MTMR7: variants seen among roughly 807,000 people sequenced by gnomAD.
MTMR7 encodes the protein phosphatidylinositol-3-phosphate phosphatase MTMR7.
Under a neutral mutation model 81.2 loss-of-function variants are expected in MTMR7, and 76 were observed. The observed-to-expected ratio is 0.94, with a 90% CI of 0.78 to 1.13. The LOEUF (loss-of-function observed/expected upper bound fraction) is 1.13. MTMR7 is among the 50% of genes most tolerant of loss of function. The pLI is 0.00. For missense variants in MTMR7, 1,044 were observed against 820.0 expected, an observed-to-expected ratio of 1.27 and a Z score of -3.34; for synonymous variants, 372 against 289.8, an observed-to-expected ratio of 1.28 and a Z score of -2.88.
chr8:17,327,427 C>A (rs1012746566), intron 7 of MTMR7, among the ~76,000 whole-genome samples: 2 of 143,382 alleles, frequency 1.4e-5, no homozygotes, highest in South Asian at 4.2e-4. Flanking sequence ...CACACCACCA[C>A]GCCTGGTTGA....
intron 12 of MTMR7, 37 bp downstream of exon 12, chr8:17,304,342 C>T (rs766101278): frequency 6.3e-7 from 1 of 1,596,650 alleles, no homozygotes; most frequent in African/African-American, 1.3e-5. Context: ...AATCCAAGTT[C>T]ATACCATGGC....
At chr8:17,300,375 G>A (rs144540473) in intron 13 of MTMR7, 151 bp from the exon 14 acceptor site, 28 of 796,446 alleles carry the variant, frequency 3.5e-5, no homozygotes, top group Middle Eastern at 3.8e-4. Context: ...TGGACTTCAC[G>A]ACCTTGGACA....
intron 9 of MTMR7, among the ~76,000 whole-genome samples, chr8:17,311,065 A>T (rs1043728667): frequency 6.6e-6 from 1 of 152,186 alleles, no homozygotes; most frequent in Non-Finnish European, 1.5e-5. Context: ...AGGACTACTT[A>T]AAAAACATAC....
intron 1 of MTMR7, among the ~76,000 whole-genome samples, chr8:17,392,722 T>C (rs1463467878): frequency 1.3e-5 from 2 of 152,240 alleles, no homozygotes; most frequent in Non-Finnish European, 2.9e-5. Flanking sequence ...AGAGTTGGGT[T>C]ACAGGGAGGC....
chr8:17,386,957 C>T (rs889471802), intron 1 of MTMR7, among the ~76,000 whole-genome samples: 1 of 152,166 alleles, frequency 6.6e-6, no homozygotes, highest in Non-Finnish European at 1.5e-5. Flanking sequence ...CAGGATGGCA[C>T]TCAAACAGTA....
chr8:17,305,701 T>C, intron 11 of MTMR7, 56 bp downstream of exon 11: 1 of 1,469,320 alleles, frequency 6.8e-7, no homozygotes, highest in Non-Finnish European at 9.4e-7. Flanking sequence ...CCTAAAATTC[T>C]CAGTCATCAA....
At chr8:17,380,557 A>T (rs1321017786) in intron 1 of MTMR7, among the ~76,000 whole-genome samples, 1 of 126,446 alleles carries the variant, frequency 7.9e-6, no homozygotes, top group Non-Finnish European at 1.7e-5. Context: ...ATACACTAAC[A>T]ACAGCTGATG....
chr8:17,335,515 A>G (rs953142848), intron 6 of MTMR7, among the ~76,000 whole-genome samples: 6 of 152,168 alleles, frequency 3.9e-5, no homozygotes, highest in Non-Finnish European at 7.3e-5. Context: ...CCACAGCTAC[A>G]TTTAATGCCT....
chr8:17,332,612 G>A (rs138809075), intron 6 of MTMR7, among the ~76,000 whole-genome samples: 9 of 152,304 alleles, frequency 5.9e-5, no homozygotes, highest in East Asian at 1.9e-4. Flanking sequence ...AGCTGCTGCC[G>A]CTGCTGCTGC....
At chr8:17,315,144 A>G (rs1320254173) in intron 7 of MTMR7, among the ~76,000 whole-genome samples, 3 of 152,250 alleles carry the variant, frequency 2.0e-5, no homozygotes, top group African/African-American at 7.2e-5. Context: ...TGTCCTGACA[A>G]TGAAATACTG....
At chr8:17,357,067 A>T (rs1281281462) in intron 4 of MTMR7, among the ~76,000 whole-genome samples, 1 of 152,124 alleles carries the variant, frequency 6.6e-6, no homozygotes, top group Non-Finnish European at 1.5e-5. Context: ...CCAACAAAAG[A>T]AAAAAAGAAA....
chr8:17,313,523 G>T (rs199930782), intron 7 of MTMR7, 122 bp from the exon 8 acceptor site: 2 of 516,920 alleles, frequency 3.9e-6, no homozygotes, highest in Admixed American at 3.2e-5. Context: ...CTGGAAGCAA[G>T]CCTTAAGTCA....
intron 3 of MTMR7, among the ~76,000 whole-genome samples, chr8:17,365,243 T>C (rs544771041): frequency 1.3e-5 from 2 of 152,350 alleles, no homozygotes; most frequent in Admixed American, 6.5e-5. Context: ...AGGTCCCTTG[T>C]CCTTTTCTTA....
intron 12 of MTMR7, among the ~76,000 whole-genome samples, chr8:17,303,540 T>G (rs1205661649): frequency 6.6e-6 from 1 of 152,034 alleles, no homozygotes; most frequent in Non-Finnish European, 1.5e-5. Flanking sequence ...AAAACATACG[T>G]ATCTAGCACA....
chr8:17,401,900 G>A (rs1489059171), intron 1 of MTMR7, among the ~76,000 whole-genome samples: 2 of 152,056 alleles, frequency 1.3e-5, no homozygotes, highest in African/African-American at 2.4e-5. Context: ...TGAATCTTAT[G>A]CATATTATGG....
At chr8:17,378,777 C>A (rs1820668855) in intron 1 of MTMR7, among the ~76,000 whole-genome samples, 1 of 152,180 alleles carries the variant, frequency 6.6e-6, no homozygotes, top group Non-Finnish European at 1.5e-5. Flanking sequence ...GTGTAAAAAG[C>A]TATTGTGTCA....
Position 17,299,734 on chromosome 8 carries a change from T to TA in MTMR7, c.*127_*128insT. ...AAGAACTGGGCACTTTTTTCCCTTT[T>TA]CATAGCTGCATTAAAGTAGTTCTCA... is the stretch of plus-strand genomic sequence containing the variant. On this transcript the variant is annotated 3_prime_UTR_variant, in exon 14 of 14. Transcript: ENST00000180173. The TA allele has an allele frequency of 1.5e-6, 2 of 1,355,296 alleles. No individual in the cohort carries two copies. Among genetic ancestry groups the TA allele is most frequent in the Non-Finnish European group, 2.0e-6 (2 of 995,382 alleles). 84.0% of individuals were successfully genotyped at this position (1,355,296 alleles called of 1,614,324 possible).
chr8:17,318,948 T>C (rs1404318852), intron 7 of MTMR7, among the ~76,000 whole-genome samples: 1 of 152,230 alleles, frequency 6.6e-6, no homozygotes, highest in African/African-American at 2.4e-5. Context: ...GCACTGCTCA[T>C]TGTCCTGCTT....
chr8:17,387,981 A>C (rs1295157602), intron 1 of MTMR7, among the ~76,000 whole-genome samples: 1 of 152,244 alleles, frequency 6.6e-6, no homozygotes, highest in African/African-American at 2.4e-5. Context: ...CTCCTAAGGG[A>C]ATATACAAGC....
Sources: allele counts gnomAD v4.1 joint callset (sites outside exome capture counted in the v4.1 genomes callset), GRCh38; gene constraint gnomAD v4.1.1; transcripts MANE v1.5; gene names NCBI Gene and HGNC (gene_info 2026-07-23, HGNC 2026-07-21).